JAK1: variants seen among roughly 807,000 people sequenced by gnomAD.
JAK1 encodes Janus kinase 1.
A neutral mutation model predicts 136.6 loss-of-function variants in JAK1; 16 were observed. That is an observed-to-expected ratio of 0.12 (90% CI 0.08 to 0.18). The LOEUF is 0.18. JAK1 is among the 10% of genes least tolerant of loss of function. JAK1 has a pLI of 1.00. For synonymous variants in JAK1, 492 were observed against 519.5 expected, an observed-to-expected ratio of 0.95 and a Z score of 0.72; for missense variants, 859 against 1,450.1, an observed-to-expected ratio of 0.59 and a Z score of 6.62.
At chr1:64,884,252 A>C (rs1644820451) in intron 2 of JAK1, among the ~76,000 whole-genome samples, 1 of 152,168 alleles carries the variant, frequency 6.6e-6, no homozygotes, top group Non-Finnish European at 1.5e-5. Flanking sequence ...CCAAAGAACC[A>C]ACCTCAGCAA....
In JAK1 at chr1:65,011,918, G is replaced by A. The variant is rs371755936; in HGVS notation, c.-78+32562C>T. Among the ~76,000 whole-genome samples the A allele has an allele frequency of 1.2e-4, 18 of 152,346 alleles. 1 individual carries two copies. Among genetic ancestry groups the A allele is most frequent in the Admixed American group, 3.3e-4 (5 of 15,296 alleles). ...CTTCTGTTTCCCATTTGGGATTCCAGAAGGAAATCGCTAGTTAAGGTGAGT... is the reference window on the plus strand; with the variant it reads ...CTTCTGTTTCCCATTTGGGATTCCAAAAGGAAATCGCTAGTTAAGGTGAGT... On this transcript the variant is annotated intron_variant, in intron 2 of 25. Coordinates refer to the JAK1 transcript ENST00000671954.
chr1:64,886,404 C>A, intron 1 of JAK1, 63 bp from the exon 2 acceptor site: 3 of 905,842 alleles, frequency 3.3e-6, no homozygotes, highest in Non-Finnish European at 3.1e-6. Flanking sequence ...AATAAGAGGG[C>A]ATTTTCATTA....
Position 64,838,698 on chromosome 1 carries a change from C to A in JAK1, c.2843-109G>T. On this transcript the variant is annotated intron_variant, in intron 20 of 24. Coordinates refer to ENST00000342505, the MANE Select transcript of JAK1 (RefSeq NM_002227.4). ...GGCCCTGAGGTGACGCCAGCTTCGCCCCTTCATTACAGGCATGTTACTTGA... is the reference window on the plus strand; with the variant it reads ...GGCCCTGAGGTGACGCCAGCTTCGCACCTTCATTACAGGCATGTTACTTGA... 4 of 1,042,234 alleles carry A rather than the reference C, an allele frequency of 3.8e-6. No individual in the cohort carries two copies. The South Asian group carries it at 4.6e-5, about 12-fold the overall frequency. The allele number at this position is 1,042,234 out of a possible 1,614,324, so 64.6% of individuals were successfully genotyped here.
intron 1 of JAK1, among the ~76,000 whole-genome samples, chr1:64,923,295 A>T (rs1645526893): frequency 6.6e-6 from 1 of 152,218 alleles, no homozygotes; most frequent in African/African-American, 2.4e-5. Context: ...TTAAGCAGAA[A>T]GGCTCTCTGC....
intron 1 of JAK1, among the ~76,000 whole-genome samples, chr1:65,044,782 G>A (rs1000840207): frequency 2.6e-5 from 4 of 152,216 alleles, no homozygotes; most frequent in African/African-American, 9.6e-5. Context: ...GAGTGCAACA[G>A]CAAGATTCAT....
intron 5 of JAK1, among the ~76,000 whole-genome samples, chr1:64,871,228 T>C (rs1039544496): frequency 6.6e-6 from 1 of 152,172 alleles, no homozygotes; most frequent in African/African-American, 2.4e-5. Context: ...ATGGAGATAA[T>C]GGACAATTAG....
intron 2 of JAK1, among the ~76,000 whole-genome samples, chr1:65,004,990 G>A (rs1052349089): frequency 1.3e-5 from 2 of 152,170 alleles, no homozygotes; most frequent in African/African-American, 2.4e-5. Context: ...GCTAATTTTA[G>A]TTTGATAATC....
chr1:64,873,810 C>A (rs985627812), intron 4 of JAK1, among the ~76,000 whole-genome samples: 4 of 152,230 alleles, frequency 2.6e-5, no homozygotes, highest in African/African-American at 9.6e-5. Flanking sequence ...TAGGGAAACA[C>A]CTGCTGACTG....
In JAK1 at chr1:64,843,268, C is replaced by G. The variant is rs532761961; in HGVS notation, c.2403+796G>C. On this transcript the variant is annotated intron_variant, in intron 17 of 24. Coordinates refer to ENST00000342505, the MANE Select transcript of JAK1 (RefSeq NM_002227.4). Reference sequence around the variant, plus strand: ...ACACAGCACTGAAACCAGGCTCTCACAGCCGAAACTGATGCCTGCCCCCTC... The same window carrying G: ...ACACAGCACTGAAACCAGGCTCTCAGAGCCGAAACTGATGCCTGCCCCCTC... Among the ~76,000 whole-genome samples the G allele has an allele frequency of 2.0e-5, 3 of 152,342 alleles. No homozygotes were observed. The South Asian group carries it at 6.2e-4, about 32-fold the overall frequency.
chr1:64,896,150 C>T (rs188930856), intron 1 of JAK1, among the ~76,000 whole-genome samples: 19 of 152,298 alleles, frequency 1.2e-4, no homozygotes, highest in African/African-American at 2.2e-4. Context: ...GATAAATGCT[C>T]CTTTTCCCAC....
intron 1 of JAK1, among the ~76,000 whole-genome samples, chr1:64,901,397 G>A (rs919462493): frequency 2.0e-5 from 3 of 152,080 alleles, no homozygotes; most frequent in African/African-American, 4.8e-5. Flanking sequence ...TGGTACCCAC[G>A]AAGAAGCCCA....
chr1:64,926,362 T>G (rs1645582114), intron 1 of JAK1, among the ~76,000 whole-genome samples: 1 of 134,228 alleles, frequency 7.5e-6, no homozygotes. Context: ...AACAGCAGGA[T>G]CCCCTCCCCC....
chr1:65,006,253 A>G (rs566731799), intron 2 of JAK1, among the ~76,000 whole-genome samples: 41 of 152,346 alleles, frequency 2.7e-4, no homozygotes, highest in African/African-American at 9.4e-4. Flanking sequence ...TCCCATCCAC[A>G]CAGACTGAAA....
intron 1 of JAK1, among the ~76,000 whole-genome samples, chr1:64,932,564 A>G (rs1645716832): frequency 6.6e-6 from 1 of 152,204 alleles, no homozygotes; most frequent in Admixed American, 6.5e-5. Context: ...AGCATTTACT[A>G]GTGTCAGCAT....
Position 65,006,703 on chromosome 1 carries a change from G to A in JAK1, c.-78+37777C>T, listed in dbSNP as rs184361796. On this transcript the variant is annotated intron_variant, in intron 2 of 25. Transcript: ENST00000671954. Reference sequence around the variant, plus strand: ...ATTTCATATTTCCCTTTCTCAAACAGGGGTCTTATTTTGTTGTTTCAGTAG... The same window carrying A: ...ATTTCATATTTCCCTTTCTCAAACAAGGGTCTTATTTTGTTGTTTCAGTAG... 3.4e-3 allele frequency among the ~76,000 whole-genome samples: 513 copies of A among 152,236 alleles called. 3 individuals carry two copies. Among genetic ancestry groups the A allele is most frequent in the Middle Eastern group, 0.01 (3 of 294 alleles).
chr1:64,886,791 CAG>C (rs1246717880), intron 1 of JAK1, among the ~76,000 whole-genome samples: 1,377 of 105,078 alleles, frequency 0.013, 27 homozygotes, highest in African/African-American at 0.05. Context: ...CACACACACA[CAG>C]AGCTTTGTAT....
chr1:64,919,069 A>C (rs894949503), intron 1 of JAK1, among the ~76,000 whole-genome samples: 10 of 152,232 alleles, frequency 6.6e-5, no homozygotes, highest in Non-Finnish European at 1.2e-4. Context: ...CACAACGTGC[A>C]GGTTTGTTAC....
At chr1:65,042,723 A>G (rs1647146292) in intron 2 of JAK1, among the ~76,000 whole-genome samples, 1 of 152,202 alleles carries the variant, frequency 6.6e-6, no homozygotes, top group South Asian at 2.1e-4. Flanking sequence ...TATGTTTGAT[A>G]AAATAACTTC....
At chr1:65,018,827 G>A (rs1386044584) in intron 2 of JAK1, among the ~76,000 whole-genome samples, 4 of 152,006 alleles carry the variant, frequency 2.6e-5, no homozygotes, top group Admixed American at 2.0e-4. Context: ...TGGCTAACAC[G>A]GTGAAACCCC....
Sources: allele counts gnomAD v4.1 joint callset (sites outside exome capture counted in the v4.1 genomes callset), GRCh38; gene constraint gnomAD v4.1.1; transcripts MANE v1.5; gene names NCBI Gene and HGNC (gene_info 2026-07-23, HGNC 2026-07-21).